CLYBL: variants seen among roughly 807,000 people sequenced by gnomAD.
CLYBL encodes citramalyl-CoA lyase, mitochondrial.
CLYBL carries 31 observed loss-of-function variants against 38.9 expected under a neutral mutation model. That is an observed-to-expected ratio of 0.80 (90% CI 0.60 to 1.08). The LOEUF (loss-of-function observed/expected upper bound fraction) is 1.08. CLYBL is among the 50% of genes least tolerant of loss of function. CLYBL has a pLI of 0.00. For synonymous variants in CLYBL, 171 were observed against 158.6 expected (o/e 1.08, Z -0.59); for missense variants, 434 against 411.6 (o/e 1.05, Z -0.47).
chr13:99,612,472 C>T (rs1028554855), intron 1 of CLYBL, among the ~76,000 whole-genome samples: 2 of 148,084 alleles, frequency 1.4e-5, no homozygotes, highest in Non-Finnish European at 3.0e-5. Flanking sequence ...ACTGCAACCT[C>T]CACATTCTAA....
chr13:99,608,619 C>T (rs906109936), intron 1 of CLYBL, among the ~76,000 whole-genome samples: 63 of 152,048 alleles, frequency 4.1e-4, no homozygotes, highest in African/African-American at 1.4e-3. Context: ...GTCCAGTGAG[C>T]GCACACAGTC....
At chr13:99,880,061 T>TAC (rs1299199768) in intron 7 of CLYBL, among the ~76,000 whole-genome samples, 6 of 62,218 alleles carry the variant, frequency 9.6e-5, no homozygotes, top group Non-Finnish European at 1.8e-4. Flanking sequence ...TATATATATA[T>TAC]ATATATATTT....
chr13:99,729,765 G>A (rs1305011878), intron 1 of CLYBL, among the ~76,000 whole-genome samples: 1 of 152,206 alleles, frequency 6.6e-6, no homozygotes, highest in African/African-American at 2.4e-5. Context: ...ACCACTTTCA[G>A]CCTGCACTTG....
intron 8 of CLYBL, among the ~76,000 whole-genome samples, chr13:99,903,707 G>A (rs2052665714): frequency 6.6e-6 from 1 of 152,106 alleles, no homozygotes; most frequent in Admixed American, 6.5e-5. Flanking sequence ...TGAGGTTCGC[G>A]TCCCGTATGA....
At chr13:99,885,332 CAG>C (rs1175862549) in intron 7 of CLYBL, among the ~76,000 whole-genome samples, 5 of 152,086 alleles carry the variant, frequency 3.3e-5, no homozygotes, top group African/African-American at 1.2e-4. Flanking sequence ...AAAGGGCCTT[CAG>C]AGAGAGAACA....
At chr13:99,741,462 G>A (rs1325848223) in intron 1 of CLYBL, among the ~76,000 whole-genome samples, 1 of 152,128 alleles carries the variant, frequency 6.6e-6, no homozygotes, top group Non-Finnish European at 1.5e-5. Context: ...ATTTTGTGGG[G>A]ATACTTGAAG....
At chr13:99,886,823 C>A (rs563404660) in intron 7 of CLYBL, among the ~76,000 whole-genome samples, 42 of 152,270 alleles carry the variant, frequency 2.8e-4, no homozygotes, top group African/African-American at 9.6e-4. Flanking sequence ...TCAGGTAGCA[C>A]CTGCTTCTTC....
intron 1 of CLYBL, among the ~76,000 whole-genome samples, chr13:99,768,469 A>G (rs975312669): frequency 2.8e-5 from 4 of 141,106 alleles, no homozygotes; most frequent in African/African-American, 1.1e-4. Flanking sequence ...CTGGGATTAC[A>G]GGTGTGAGCC....
chr13:99,770,083 T>TC (rs1211309027), intron 1 of CLYBL, among the ~76,000 whole-genome samples: 2 of 138,356 alleles, frequency 1.4e-5, no homozygotes, highest in African/African-American at 5.1e-5. Flanking sequence ...TTTCTTTCTT[T>TC]TTTTTTTTTT....
At chr13:99,758,976 G>C (rs1486271887) in intron 1 of CLYBL, among the ~76,000 whole-genome samples, 1 of 152,200 alleles carries the variant, frequency 6.6e-6, no homozygotes, top group Non-Finnish European at 1.5e-5. Context: ...GTGCCCTAGA[G>C]AGGGCACCTG....
At chr13:99,810,874 G>A (rs2050327712) in intron 2 of CLYBL, among the ~76,000 whole-genome samples, 1 of 152,132 alleles carries the variant, frequency 6.6e-6, no homozygotes, top group South Asian at 2.1e-4. Context: ...AAAGGCAGAA[G>A]TGGGTTCTTT....
intron 2 of CLYBL, among the ~76,000 whole-genome samples, chr13:99,775,968 C>T (rs973526649): frequency 1.3e-5 from 2 of 151,612 alleles, no homozygotes; most frequent in Admixed American, 6.6e-5. Context: ...TCAAGACCAT[C>T]CTGGCTAACA....
chr13:99,621,092 G>C (rs2046788630), intron 1 of CLYBL, among the ~76,000 whole-genome samples: 1 of 152,128 alleles, frequency 6.6e-6, no homozygotes, highest in Admixed American at 6.5e-5. Context: ...CCAGAGGACT[G>C]GGAGAATCCT....
chr13:99,853,712 A>G (rs1251633714), intron 2 of CLYBL, among the ~76,000 whole-genome samples: 1 of 152,140 alleles, frequency 6.6e-6, no homozygotes, highest in African/African-American at 2.4e-5. Context: ...TTACACATTT[A>G]TGAGAAAAAT....
At chr13:99,813,071 G>A (rs138457702) in intron 2 of CLYBL, among the ~76,000 whole-genome samples, 13 of 152,232 alleles carry the variant, frequency 8.5e-5, no homozygotes, top group African/African-American at 2.9e-4. Flanking sequence ...ATCTGGAATA[G>A]TTAGAAACAC....
chr13:99,800,911 A>AC (rs2050122148), intron 2 of CLYBL, among the ~76,000 whole-genome samples: 1 of 151,126 alleles, frequency 6.6e-6, no homozygotes, highest in Non-Finnish European at 1.5e-5. Context: ...AAAAAACAAA[A>AC]AAAAAAAAAC....
At chr13:99,760,454 TC>T (rs1201749001) in intron 1 of CLYBL, among the ~76,000 whole-genome samples, 8 of 152,262 alleles carry the variant, frequency 5.3e-5, no homozygotes, top group Non-Finnish European at 1.0e-4. Context: ...TTCATTTCAC[TC>T]TGCACCTAAG....
intron 2 of CLYBL, among the ~76,000 whole-genome samples, chr13:99,809,323 A>G (rs1407459414): frequency 6.6e-6 from 1 of 152,192 alleles, no homozygotes; most frequent in Non-Finnish European, 1.5e-5. Flanking sequence ...CTGAACACAA[A>G]ATGTTACTTC....
At chr13:99,723,619 G>A (rs2048425450) in intron 1 of CLYBL, among the ~76,000 whole-genome samples, 1 of 152,158 alleles carries the variant, frequency 6.6e-6, no homozygotes, top group Non-Finnish European at 1.5e-5. Context: ...CATCTTTTCC[G>A]TGGAGTGTTT....
Sources: gnomAD v4.1 joint callset for allele counts (sites outside exome capture counted in the v4.1 genomes callset) on GRCh38, gnomAD v4.1.1 for gene constraint, MANE v1.5 for transcripts, NCBI Gene and HGNC (gene_info 2026-07-23, HGNC 2026-07-21) for gene names.